Variants in HPSE2 observed in about 807,000 individuals in gnomAD.
HPSE2 encodes inactive heparanase-2.
In HPSE2, 38 loss-of-function variants were observed where a neutral mutation model predicts 60.5. That is an observed-to-expected ratio of 0.63 (90% CI 0.48 to 0.82). The LOEUF is 0.82. Ranked by LOEUF, HPSE2 falls within the 40% of genes least tolerant of loss-of-function variation. The pLI is 0.00. For missense variants in HPSE2, 713 were observed against 740.4 expected (o/e 0.96, Z 0.43); for synonymous variants, 295 against 293.2 (o/e 1.01, Z -0.06).
chr10:98,606,340 C>T (rs1223803061), intron 9 of HPSE2, among the ~76,000 whole-genome samples: 1 of 152,214 alleles, frequency 6.6e-6, no homozygotes, highest in African/African-American at 2.4e-5. Context: ...ATTCTGGCTT[C>T]ACGTTGAATC....
At chr10:98,679,981 T>C (rs1416796487) in intron 6 of HPSE2, among the ~76,000 whole-genome samples, 1 of 152,204 alleles carries the variant, frequency 6.6e-6, no homozygotes, top group Non-Finnish European at 1.5e-5. Context: ...AGCCATGTTA[T>C]TCTGTTTTCC....
chr10:98,669,079 T>C (rs944469805), intron 6 of HPSE2, among the ~76,000 whole-genome samples: 5 of 152,164 alleles, frequency 3.3e-5, no homozygotes, highest in African/African-American at 9.6e-5. Flanking sequence ...GCAAAGGAGA[T>C]GAAGAGATGC....
At position 98,656,709 on chromosome 10, in the gene HPSE2, T is replaced by G. The variant is rs143303581; in HGVS notation, c.1005-14769A>C. On this transcript the variant is annotated intron_variant, in intron 6 of 11. Transcript: ENST00000370552. ...ACTTTGCTTTGGCCATTATGAAACA[T>G]AGAGTCAAACTTATACCCCATCTCT... Among the ~76,000 whole-genome samples, 3 of 151,902 alleles carry G rather than the reference T, an allele frequency of 2.0e-5. No homozygotes were observed. In the East Asian group the frequency reaches 5.8e-4, roughly 29 times the overall value.
intron 3 of HPSE2, among the ~76,000 whole-genome samples, chr10:99,004,298 TG>T (rs1956844209): frequency 8.2e-6 from 1 of 121,574 alleles, no homozygotes; most frequent in Non-Finnish European, 1.8e-5. Context: ...ATTGTTTTCT[TG>T]TTTTGTTTTG....
chr10:98,897,971 C>A (rs538963842), intron 3 of HPSE2, among the ~76,000 whole-genome samples: 1 of 151,954 alleles, frequency 6.6e-6, no homozygotes, highest in African/African-American at 2.4e-5. Context: ...CAAAAATATA[C>A]CAAAGAACTC....
intron 9 of HPSE2, among the ~76,000 whole-genome samples, chr10:98,506,513 C>T (rs907387061): frequency 6.6e-6 from 1 of 152,036 alleles, no homozygotes; most frequent in Non-Finnish European, 1.5e-5. Context: ...GGTGTGTAAC[C>T]ACAGCTCATC....
intron 3 of HPSE2, among the ~76,000 whole-genome samples, chr10:98,803,399 G>A (rs1423129372): frequency 1.3e-5 from 2 of 150,780 alleles, no homozygotes; most frequent in South Asian, 2.1e-4. Flanking sequence ...CCTTGCCCAT[G>A]CCTATGTCCT....
intron 3 of HPSE2, among the ~76,000 whole-genome samples, chr10:98,835,772 A>T (rs34894375): frequency 0.011 from 1,706 of 152,316 alleles, 15 homozygotes; most frequent in Non-Finnish European, 0.019. Flanking sequence ...TACTAGCTAT[A>T]TGCCTCTCAA....
At chr10:98,964,160 T>C (rs185007485) in intron 3 of HPSE2, among the ~76,000 whole-genome samples, 1 of 152,248 alleles carries the variant, frequency 6.6e-6, no homozygotes, top group African/African-American at 2.4e-5. Context: ...CTCTTGAATT[T>C]TTATCTTTCA....
intron 6 of HPSE2, among the ~76,000 whole-genome samples, chr10:98,666,438 T>C (rs1474469997): frequency 6.6e-6 from 1 of 152,170 alleles, no homozygotes; most frequent in Non-Finnish European, 1.5e-5. Flanking sequence ...TTGGACCTAA[T>C]AGACATCTGC....
intron 3 of HPSE2, among the ~76,000 whole-genome samples, chr10:98,864,860 T>C (rs777654470): frequency 2.0e-5 from 3 of 152,196 alleles, no homozygotes; most frequent in Admixed American, 6.5e-5. Context: ...TTTAAATGTT[T>C]TGACATTTTC....
intron 2 of HPSE2, among the ~76,000 whole-genome samples, chr10:99,157,631 C>A (rs1277415333): frequency 6.8e-6 from 1 of 146,668 alleles, no homozygotes; most frequent in Admixed American, 7.0e-5. Context: ...AAACATTAGA[C>A]CTAAAACCAT....
intron 3 of HPSE2, among the ~76,000 whole-genome samples, chr10:98,905,319 C>T (rs1352146643): frequency 6.9e-6 from 1 of 144,934 alleles, no homozygotes; most frequent in African/African-American, 2.5e-5. Context: ...CCTCCCCCGA[C>T]CCCACCACAG....
At chr10:98,830,499 A>G (rs189027861) in intron 3 of HPSE2, among the ~76,000 whole-genome samples, 1 of 152,320 alleles carries the variant, frequency 6.6e-6, no homozygotes, top group Admixed American at 6.5e-5. Flanking sequence ...AGTAAATTCA[A>G]TAACAGAACA....
the HPSE2 span, among the ~76,000 whole-genome samples, chr10:99,290,421 T>G: frequency 6.6e-6 from 1 of 152,192 alleles, no homozygotes; most frequent in Non-Finnish European, 1.5e-5. Context: ...CATATCTTCC[T>G]ACATTCCTTC....
intron 4 of HPSE2, among the ~76,000 whole-genome samples, chr10:98,726,436 G>A (rs1053046874): frequency 1.4e-5 from 2 of 139,998 alleles, no homozygotes; most frequent in African/African-American, 5.3e-5. Flanking sequence ...ACTGAACAAT[G>A]AGAACACATG....
At chr10:98,629,315 C>T (rs564629682) in intron 7 of HPSE2, among the ~76,000 whole-genome samples, 53 of 152,288 alleles carry the variant, frequency 3.5e-4, no homozygotes, top group Non-Finnish European at 5.9e-4. Context: ...TTTAAGTAAC[C>T]CAAACTGGTC....
chr10:99,065,071 T>C (rs1462128862), intron 3 of HPSE2, among the ~76,000 whole-genome samples: 1 of 152,198 alleles, frequency 6.6e-6, no homozygotes, highest in East Asian at 1.9e-4. Flanking sequence ...AATTTCCTTC[T>C]TTTTATATCT....
chr10:99,100,544 C>A (rs1017858567), intron 3 of HPSE2, among the ~76,000 whole-genome samples: 5 of 152,076 alleles, frequency 3.3e-5, no homozygotes, highest in South Asian at 2.1e-4. Flanking sequence ...ACGGGGAGAA[C>A]GGAACCAAGT....
Sources: allele counts gnomAD v4.1 joint callset (sites outside exome capture counted in the v4.1 genomes callset), GRCh38; gene constraint gnomAD v4.1.1; transcripts MANE v1.5; gene names NCBI Gene and HGNC (gene_info 2026-07-23, HGNC 2026-07-21).